AGBL4: variants seen among roughly 807,000 people sequenced by gnomAD.
AGBL4 encodes the protein cytosolic carboxypeptidase 6.
AGBL4 carries 58 observed loss-of-function variants against 66.4 expected under a neutral mutation model. The ratio of observed to expected loss-of-function variants is 0.87; its 90% CI spans 0.71 to 1.09. The LOEUF (loss-of-function observed/expected upper bound fraction) is 1.09. AGBL4 is among the 50% of genes least tolerant of loss of function. The pLI, the probability that AGBL4 is intolerant of heterozygous loss-of-function variation, is 0.00. For synonymous variants in AGBL4, 234 were observed against 222.9 expected (o/e 1.05, Z -0.44); for missense variants, 579 against 631.0 (o/e 0.92, Z 0.88).
intron 2 of AGBL4, among the ~76,000 whole-genome samples, chr1:49,787,662 C>G (rs985859836): frequency 6.6e-6 from 1 of 152,068 alleles, no homozygotes; most frequent in Non-Finnish European, 1.5e-5. Context: ...TGCTCAATTA[C>G]AGTTTGTTAC....
chr1:49,542,452 C>T lies in AGBL4; in HGVS notation c.282+154861G>A, dbSNP rs1285178762. Among the ~76,000 whole-genome samples the T allele has an allele frequency of 5.9e-5, 9 of 152,264 alleles. No individual in the cohort carries two copies. The East Asian group carries it at 1.7e-3, about 29-fold the overall frequency. Reference sequence around the variant, plus strand: ...ACATCCGAACATCAGAAGGAACAAACTCCGGACATGCCGCCTTTAAGGACT... The same window carrying T: ...ACATCCGAACATCAGAAGGAACAAATTCCGGACATGCCGCCTTTAAGGACT... On this transcript the variant is annotated intron_variant, in intron 3 of 13. Transcript: ENST00000371839.
At chr1:48,623,884 T>C (rs1012916448) in intron 9 of AGBL4, among the ~76,000 whole-genome samples, 2 of 152,122 alleles carry the variant, frequency 1.3e-5, no homozygotes, top group Non-Finnish European at 2.9e-5. Flanking sequence ...TGGGGTAAAC[T>C]GGAGTAGTTT....
chr1:48,736,876 A>G lies in AGBL4; in HGVS notation c.635-73635T>C, dbSNP rs1649142447. 6.6e-6 allele frequency among the ~76,000 whole-genome samples: 1 copy of G among 152,212 alleles called. No homozygotes were observed. Among genetic ancestry groups the G allele is most frequent in the Non-Finnish European group, 1.5e-5 (1 of 68,042 alleles). The stretch of plus-strand genomic sequence containing the variant: ...CCCATGCTTAACTTCTTTCTGTGTT[A>G]CACTATGGAAAGACCCACCTTCCTT... On this transcript the variant is annotated intron_variant, in intron 6 of 13. Transcript: ENST00000371839. This position sits in a 1 kb window ranked among gnomAD's most constrained non-coding sequence, Gnocchi z 4.0.
chr1:49,315,458 A>G (rs759050122), intron 3 of AGBL4, among the ~76,000 whole-genome samples: 11 of 152,172 alleles, frequency 7.2e-5, no homozygotes, highest in Non-Finnish European at 1.2e-4. Context: ...TGAACAGGCA[A>G]CCTACAGAAT....
chr1:49,427,097 T>C (rs1024688608), intron 3 of AGBL4, among the ~76,000 whole-genome samples: 1 of 151,978 alleles, frequency 6.6e-6, no homozygotes, highest in Non-Finnish European at 1.5e-5. Context: ...GGAAAAAGGA[T>C]GTAACAACAA....
At chr1:49,191,581 C>T (rs1253794856) in intron 4 of AGBL4, among the ~76,000 whole-genome samples, 1 of 152,154 alleles carries the variant, frequency 6.6e-6, no homozygotes, top group East Asian at 1.9e-4. Flanking sequence ...GCATAGTACC[C>T]AATAGGTAGT....
intron 6 of AGBL4, among the ~76,000 whole-genome samples, chr1:48,831,332 G>A (rs1646547885): frequency 6.6e-6 from 1 of 152,260 alleles, no homozygotes; most frequent in South Asian, 2.1e-4. Flanking sequence ...CTGGGGCCCA[G>A]AACAAGGTTC....
At position 48,590,842 on chromosome 1, in the gene AGBL4, G is replaced by A; in HGVS notation, c.1095C>T (p.Asp365=). Residue 365 remains aspartate (D), a synonymous_variant, in exon 10 of 14, where the codon GAC becomes GAT. Transcript: ENST00000371839. The part of the protein sequence containing the change: ...FPKLLCQNAE[D]FSYSSTSFNR... ...AGAACTCCTGGCTTACATAGGAGAAGTCCTCAGCATTCTGGCAGAGGAGCT... is the reference window on the plus strand; with the variant it reads ...AGAACTCCTGGCTTACATAGGAGAAATCCTCAGCATTCTGGCAGAGGAGCT... 6.2e-7 allele frequency: 1 copy of A among 1,601,316 alleles called. No individual in the cohort carries two copies. Among genetic ancestry groups the A allele is most frequent in the Non-Finnish European group, 8.5e-7 (1 of 1,173,704 alleles).
intron 6 of AGBL4, among the ~76,000 whole-genome samples, chr1:48,854,579 C>A (rs1344915484): frequency 6.6e-6 from 1 of 152,146 alleles, no homozygotes; most frequent in Non-Finnish European, 1.5e-5. Context: ...ATAGTCACTG[C>A]AAAATTTCAA....
chr1:49,977,521 T>C (rs1337642138), intron 1 of AGBL4, among the ~76,000 whole-genome samples: 1 of 152,258 alleles, frequency 6.6e-6, no homozygotes, highest in Non-Finnish European at 1.5e-5. Context: ...AGACGGTATG[T>C]GAGGACAGCA....
At chr1:49,604,476 T>G (rs1031790342) in intron 3 of AGBL4, among the ~76,000 whole-genome samples, 3 of 152,232 alleles carry the variant, frequency 2.0e-5, no homozygotes, top group Non-Finnish European at 4.4e-5. Context: ...ATATTAGTCT[T>G]TTGTCAGATG....
At chr1:49,148,365 T>A (rs1646260332) in intron 4 of AGBL4, among the ~76,000 whole-genome samples, 1 of 152,110 alleles carries the variant, frequency 6.6e-6, no homozygotes, top group Non-Finnish European at 1.5e-5. Flanking sequence ...GGGAATTGCA[T>A]GTTTCTCTGA....
intron 2 of AGBL4, among the ~76,000 whole-genome samples, chr1:49,738,310 A>T (rs1016325411): frequency 6.6e-6 from 1 of 152,182 alleles, no homozygotes; most frequent in African/African-American, 2.4e-5. Context: ...GCTCATTGCT[A>T]GCACAGCAGT....
intron 1 of AGBL4, among the ~76,000 whole-genome samples, chr1:49,909,904 G>A (rs1169912108): frequency 6.6e-6 from 1 of 152,140 alleles, no homozygotes; most frequent in African/African-American, 2.4e-5. Flanking sequence ...AAACAGATTT[G>A]AAAGGGGAGA....
intron 3 of AGBL4, among the ~76,000 whole-genome samples, chr1:49,576,460 C>T (rs1469233690): frequency 6.6e-6 from 1 of 152,112 alleles, no homozygotes; most frequent in Non-Finnish European, 1.5e-5. Flanking sequence ...GGAGCAAGGC[C>T]CTGCCATTTT....
intron 3 of AGBL4, among the ~76,000 whole-genome samples, chr1:49,488,910 C>A (rs1647127464): frequency 6.6e-6 from 1 of 151,840 alleles, no homozygotes; most frequent in South Asian, 2.1e-4. Context: ...GTATATGCAT[C>A]ACGTTTTCTT....
intron 4 of AGBL4, among the ~76,000 whole-genome samples, chr1:49,205,050 C>T (rs1169525041): frequency 6.6e-6 from 1 of 152,118 alleles, no homozygotes; most frequent in Non-Finnish European, 1.5e-5. Flanking sequence ...TGTCAGCTGG[C>T]TCTTCTGTGC....
intron 2 of AGBL4, among the ~76,000 whole-genome samples, chr1:49,813,570 A>G (rs1645159338): frequency 1.3e-5 from 2 of 152,106 alleles, no homozygotes; most frequent in Admixed American, 1.3e-4. Flanking sequence ...TCATGCATTC[A>G]TTTACTCACT....
chr1:49,107,694 T>TGTGTGTGA (rs764451269), intron 4 of AGBL4, among the ~76,000 whole-genome samples: 86 of 113,996 alleles, frequency 7.5e-4, no homozygotes, highest in Admixed American at 1.1e-3. Context: ...TGTGTGTGTG[T>TGTGTGTGA]GAGAGAGAGA....
Sources: allele counts gnomAD v4.1 joint callset (sites outside exome capture counted in the v4.1 genomes callset), GRCh38; gene constraint gnomAD v4.1.1; non-coding constraint Gnocchi (gnomAD v3.1); transcripts MANE v1.5; gene names NCBI Gene and HGNC (gene_info 2026-07-23, HGNC 2026-07-21).